RPS6KA6: variants seen among roughly 807,000 people sequenced by gnomAD.
The protein encoded by RPS6KA6 is ribosomal protein S6 kinase alpha-6.
RPS6KA6 carries 27 observed loss-of-function variants against 65.4 expected under a neutral mutation model. The observed-to-expected ratio is 0.41, with a 90% CI of 0.30 to 0.57. The LOEUF is 0.57. Ranked by LOEUF, RPS6KA6 falls within the 20% of genes least tolerant of loss-of-function variation. The pLI is 0.24. For missense variants in RPS6KA6, 486 were observed against 555.6 expected (o/e 0.87, Z 1.26); for synonymous variants, 190 against 184.2 (o/e 1.03, Z -0.26).
At chrX:84,094,330 AGAG>A (rs1459742206) in intron 20 of RPS6KA6, among the ~76,000 whole-genome samples, 6 of 95,154 alleles carry the variant, frequency 6.3e-5, no homozygotes, top group African/African-American at 1.9e-4. Flanking sequence ...AAAAAAAAAA[AGAG>A]TTCTACTTTA....
upstream of RPS6KA6, among the ~76,000 whole-genome samples, chrX:84,188,234 G>A (rs1044540877): frequency 9.8e-5 from 11 of 111,901 alleles, no homozygotes; most frequent in East Asian, 3.1e-3. Context: ...TCCCCTCCCC[G>A]CTCCCTGCTC....
intron 20 of RPS6KA6, among the ~76,000 whole-genome samples, chrX:84,079,493 A>G (rs766852851): frequency 3.5e-4 from 38 of 109,307 alleles, no homozygotes; most frequent in Non-Finnish European, 7.1e-4. Context: ...ACTCCCCTGG[A>G]AAGGGGGCTG....
intron 13 of RPS6KA6, among the ~76,000 whole-genome samples, 164 bp downstream of exon 13, chrX:84,107,459 T>C (rs1351335064): frequency 1.8e-5 from 2 of 112,576 alleles, no homozygotes; most frequent in Non-Finnish European, 3.8e-5. Flanking sequence ...AAACATCTAC[T>C]TGACAGCTGC....
chrX:84,151,823 G>C (rs1290615814), intron 3 of RPS6KA6, among the ~76,000 whole-genome samples: 1 of 111,882 alleles, frequency 8.9e-6, no homozygotes, highest in African/African-American at 3.2e-5. Flanking sequence ...AATGACTACT[G>C]GTACCATTTG....
At chrX:84,141,090 T>C (rs2035094262) in intron 6 of RPS6KA6, among the ~76,000 whole-genome samples, 1 of 111,301 alleles carries the variant, frequency 9.0e-6, no homozygotes, top group Non-Finnish European at 1.9e-5. Flanking sequence ...AAATACTATT[T>C]ATATGAAAAT....
rs1156493866 is a variant in RPS6KA6, at chrX:84,162,511, A to G, written c.141+1817T>C. ...CCTTTTAGCCACTGAAGTTGATTGC[A>G]TAAGGTAGATCATGTAAGTAACTAG... On this transcript the variant is annotated intron_variant, in intron 2 of 21. Transcript: ENST00000262752. Among the ~76,000 whole-genome samples, 2 of 111,772 alleles carry G rather than the reference A, an allele frequency of 1.8e-5. 1 individual carries two copies. The highest frequency in any genetic ancestry group is 8.4e-3 in the Middle Eastern group (2 of 238).
intron 20 of RPS6KA6, among the ~76,000 whole-genome samples, chrX:84,084,899 T>A (rs1317919191): frequency 9.0e-6 from 1 of 111,531 alleles, no homozygotes; most frequent in Non-Finnish European, 1.9e-5. Flanking sequence ...GGTTTGTAGT[T>A]CTCCTTGAAG....
At position 84,170,921 on chromosome X, in the gene RPS6KA6, T is replaced by A. The variant is rs1057068930; in HGVS notation, c.82-6534A>T. On this transcript the variant is annotated intron_variant, in intron 1 of 21. Transcript: ENST00000262752. The stretch of plus-strand genomic sequence containing the variant: ...ATAAGACTCTAGAGGCTTTCCTTGC[T>A]GACTTGATTGAAGTAATTAAGTGAC... 2.7e-5 allele frequency among the ~76,000 whole-genome samples: 3 copies of A among 111,257 alleles called. No individual in the cohort carries two copies. The East Asian group carries it at 8.5e-4, about 32-fold the overall frequency.
chrX:84,161,816 T>C (rs6622938), intron 2 of RPS6KA6, among the ~76,000 whole-genome samples: 5,697 of 111,596 alleles, frequency 0.051, 199 homozygotes, highest in East Asian at 0.2. Flanking sequence ...AAAATATAAA[T>C]CACTTTAGAG....
chrX:84,073,313 T>C (rs2033588155), intron 20 of RPS6KA6, among the ~76,000 whole-genome samples: 2 of 111,770 alleles, frequency 1.8e-5, no homozygotes, highest in Admixed American at 1.9e-4. Flanking sequence ...CCAATAAAAC[T>C]GGACATCTAT....
chrX:84,105,417 C>T (rs1052272058), intron 16 of RPS6KA6, among the ~76,000 whole-genome samples: 5 of 111,427 alleles, frequency 4.5e-5, no homozygotes, highest in Non-Finnish European at 7.6e-5. Flanking sequence ...TAGCCAATTA[C>T]TATACAATCA....
Position 84,062,755 on chromosome X carries a change from C to G in RPS6KA6, c.*1522G>C, listed in dbSNP as rs1398868851. ...AATACCAAAGTTACGAGTTTCCTAG[C>G]CTAAATTGTATAATTCAGCACTCAG... On this transcript the variant is annotated 3_prime_UTR_variant, in exon 22 of 22. Transcript: ENST00000262752. The G allele has an allele frequency of 9.0e-6, 1 of 111,342 alleles. No individual in the cohort carries two copies. The highest frequency in any genetic ancestry group is 1.9e-5 in the Non-Finnish European group (1 of 52,909). The allele number at this position is 111,342 out of a possible 1,213,427, so 9.2% of individuals were successfully genotyped here.
At chrX:84,157,166 G>C (rs1186917328) in intron 2 of RPS6KA6, among the ~76,000 whole-genome samples, 2 of 111,603 alleles carry the variant, frequency 1.8e-5, no homozygotes, top group African/African-American at 6.5e-5. Context: ...AAATGAGCTA[G>C]ACTTCATAGC....
chrX:84,065,609 T>C (rs963459737), intron 20 of RPS6KA6, among the ~76,000 whole-genome samples: 2 of 112,113 alleles, frequency 1.8e-5, no homozygotes, highest in African/African-American at 6.5e-5. Context: ...GCTTCTATCA[T>C]AGTAGTCCCC....
intron 12 of RPS6KA6, among the ~76,000 whole-genome samples, chrX:84,110,218 T>A (rs1207523432): frequency 1.8e-5 from 2 of 111,684 alleles, no homozygotes; most frequent in African/African-American, 6.5e-5. Flanking sequence ...GTGTGATAGA[T>A]AAATAGAACA....
intron 12 of RPS6KA6, among the ~76,000 whole-genome samples, chrX:84,109,583 T>C (rs1244599899): frequency 1.8e-5 from 2 of 110,955 alleles, no homozygotes; most frequent in Non-Finnish European, 3.8e-5. Flanking sequence ...TATGCATTGA[T>C]GCACCAACTG....
chrX:84,187,447 C>G, intron 1 of RPS6KA6: 1 of 156,600 alleles, frequency 6.4e-6, no homozygotes, highest in African/African-American at 3.0e-5. Flanking sequence ...CCAAAATGTT[C>G]CCAGCCAGCA....
intron 20 of RPS6KA6, among the ~76,000 whole-genome samples, chrX:84,076,640 G>T (rs2033669404): frequency 9.0e-6 from 1 of 111,098 alleles, no homozygotes; most frequent in South Asian, 3.7e-4. Context: ...AAACAAAATG[G>T]AACTTTTACC....
intron 6 of RPS6KA6, among the ~76,000 whole-genome samples, chrX:84,138,913 T>C (rs2035046853): frequency 9.0e-6 from 1 of 110,941 alleles, no homozygotes; most frequent in Non-Finnish European, 1.9e-5. Context: ...ATTATAAAAT[T>C]CTTTAAAACA....
Sources: allele counts gnomAD v4.1 joint callset (sites outside exome capture counted in the v4.1 genomes callset), GRCh38; gene constraint gnomAD v4.1.1; transcripts MANE v1.5; gene names NCBI Gene and HGNC (gene_info 2026-07-23, HGNC 2026-07-21).